RYR3: variants seen among roughly 807,000 people sequenced by gnomAD.
The protein encoded by RYR3 is brain ryanodine receptor-calcium release channel.
A neutral mutation model predicts 584.3 loss-of-function variants in RYR3; 207 were observed. The observed-to-expected ratio is 0.35, with a 90% CI of 0.32 to 0.40. RYR3 has a LOEUF of 0.40. Ranked by LOEUF, RYR3 falls within the 10% of genes least tolerant of loss-of-function variation. The pLI, the probability that RYR3 is intolerant of heterozygous loss-of-function variation, is 1.00. For missense variants in RYR3, 5,616 were observed against 6,089.2 expected (o/e 0.92, Z 2.59); for synonymous variants, 2,416 against 2,248.5 (o/e 1.07, Z -2.11).
rs569495734 is a variant in RYR3 at position 33,583,210 on chromosome 15, C to G, written c.1574-1185C>G. Among the ~76,000 whole-genome samples the G allele has an allele frequency of 3.9e-5, 6 of 152,226 alleles. No homozygotes were observed. In the South Asian group the frequency reaches 1.2e-3, roughly 32 times the overall value. ...TAACAAATTCTTAGGTGATGCTGAT[C>G]CAGGGACCATGACTCAAGAACCACT... On this transcript the variant is annotated intron_variant, in intron 14 of 103. Transcript: ENST00000634891.
At chr15:33,442,611 C>T (rs778286245) in intron 1 of RYR3, among the ~76,000 whole-genome samples, 2 of 152,162 alleles carry the variant, frequency 1.3e-5, no homozygotes, top group South Asian at 2.1e-4. Context: ...AGATTATAGC[C>T]GCCTGACCAT....
chr15:33,424,577 G>A (rs1296280832), intron 1 of RYR3, among the ~76,000 whole-genome samples: 1 of 152,140 alleles, frequency 6.6e-6, no homozygotes, highest in Non-Finnish European at 1.5e-5. Context: ...CTCAGTGCAT[G>A]CTCTCCCATC....
chr15:33,858,888 T>C (rs2080021466), intron 99 of RYR3: 1 of 152,446 alleles, frequency 6.6e-6, no homozygotes. Flanking sequence ...CGAAAAACTC[T>C]CCATGTGCTT....
In RYR3 at chr15:33,311,254, G is replaced by T. The variant is rs997912917; in HGVS notation, c.51+158G>T. ...GCAGAGGCGGACCGGCCACCTACCCGCGGGGCCGCGAGGGGCTGCGTGGGA... is the reference window on the plus strand; with the variant it reads ...GCAGAGGCGGACCGGCCACCTACCCTCGGGGCCGCGAGGGGCTGCGTGGGA... On this transcript the variant is annotated intron_variant, in intron 1 of 103. Coordinates refer to ENST00000634891, the MANE Select transcript of RYR3 (RefSeq NM_001036.6). The surrounding 1 kb of genome is among the most constrained non-coding windows in gnomAD (Gnocchi z 4.4). 2.0e-5 allele frequency among the ~76,000 whole-genome samples: 3 copies of T among 152,110 alleles called. No individual in the cohort carries two copies. The highest frequency in any genetic ancestry group is 4.4e-5 in the Non-Finnish European group (3 of 67,988).
chr15:33,837,163 A>G (rs772021860), intron 88 of RYR3, among the ~76,000 whole-genome samples, 176 bp downstream of exon 88: 2 of 152,236 alleles, frequency 1.3e-5, no homozygotes, highest in Non-Finnish European at 2.9e-5. Flanking sequence ...TGACGGACGA[A>G]GCCTGAAATC....
At chr15:33,354,623 C>G (rs984913063) in intron 1 of RYR3, among the ~76,000 whole-genome samples, 1 of 152,220 alleles carries the variant, frequency 6.6e-6, no homozygotes, top group Non-Finnish European at 1.5e-5. Flanking sequence ...TTGATTTAAT[C>G]AGCTTTCTGT....
At chr15:33,586,191 T>G in intron 16 of RYR3, 75 bp downstream of exon 16, 1 of 863,208 alleles carries the variant, frequency 1.2e-6, no homozygotes, top group Non-Finnish European at 2.0e-6. Flanking sequence ...TGTGTTTTAC[T>G]GAGAGCATGT....
chr15:33,607,455 C>G (rs546650211), intron 18 of RYR3, among the ~76,000 whole-genome samples: 1 of 152,130 alleles, frequency 6.6e-6, no homozygotes, highest in African/African-American at 2.4e-5. Flanking sequence ...CCACTGGCCT[C>G]TTGCAGTGGA....
intron 38 of RYR3, among the ~76,000 whole-genome samples, chr15:33,681,114 C>T (rs1399131840): frequency 1.3e-5 from 2 of 152,208 alleles, no homozygotes; most frequent in African/African-American, 2.4e-5. Context: ...ACTCCAGCTG[C>T]CTCAACAATA....
chr15:33,581,403 G>T, intron 13 of RYR3, 105 bp from the exon 14 acceptor site: 1 of 1,166,760 alleles, frequency 8.6e-7, no homozygotes, highest in Non-Finnish European at 1.2e-6. Context: ...TTGCATATTG[G>T]CATTTTCAGC....
At chr15:33,543,825 T>C (rs1223473677) in intron 8 of RYR3, 110 bp downstream of exon 8, 23 of 769,558 alleles carry the variant, frequency 3.0e-5, no homozygotes, top group Non-Finnish European at 5.2e-5. Context: ...TGTCAGTCCA[T>C]TGACAAACCT....
chr15:33,603,469 A>C (rs2059769769), intron 18 of RYR3, 105 bp downstream of exon 18: 43 of 1,214,260 alleles, frequency 3.5e-5, no homozygotes, highest in Non-Finnish European at 4.3e-5. Flanking sequence ...ATACAGACTC[A>C]AGAGTCTCAA....
intron 38 of RYR3, among the ~76,000 whole-genome samples, chr15:33,680,993 G>A (rs564950356): frequency 7.2e-5 from 11 of 152,330 alleles, no homozygotes; most frequent in African/African-American, 2.2e-4. Context: ...ACCTAATGGT[G>A]CACAGCAGTT....
intron 8 of RYR3, among the ~76,000 whole-genome samples, chr15:33,543,974 A>C (rs986435153): frequency 3.9e-5 from 6 of 152,130 alleles, no homozygotes; most frequent in Admixed American, 1.3e-4. Flanking sequence ...TCTGCACTTA[A>C]ACAAATTATT....
At chr15:33,735,309 G>T (rs1256563309) in intron 48 of RYR3, among the ~76,000 whole-genome samples, 1 of 152,176 alleles carries the variant, frequency 6.6e-6, no homozygotes, top group African/African-American at 2.4e-5. Context: ...TCACCCTGGG[G>T]CTTTTTATCA....
In RYR3 at chr15:33,660,461, G is replaced by A. The variant is rs1309069928; in HGVS notation, c.4622+38G>A. 3.5e-6 allele frequency: 5 copies of A among 1,436,160 alleles called. No homozygotes were observed. The East Asian group carries it at 1.2e-4, about 36-fold the overall frequency. 89.0% of individuals were successfully genotyped at this position (1,436,160 alleles called of 1,614,324 possible). A position where few individuals can be genotyped will look rare whatever the true frequency, so the allele number is the denominator to read the frequency against. On this transcript the variant is annotated intron_variant, in intron 34 of 103. Coordinates refer to ENST00000634891, the MANE Select transcript of RYR3 (RefSeq NM_001036.6). ...CCCGCGAAGGAAGGGGCAGGCCTGAGGGGCAGGTGAGGCAGAGCCAAGCCA... is the reference window on the plus strand; with the variant it reads ...CCCGCGAAGGAAGGGGCAGGCCTGAAGGGCAGGTGAGGCAGAGCCAAGCCA...
At chr15:33,643,716 C>T (rs2061953501) in intron 27 of RYR3, among the ~76,000 whole-genome samples, 1 of 152,198 alleles carries the variant, frequency 6.6e-6, no homozygotes, top group Admixed American at 6.5e-5. Flanking sequence ...AGTCGGGCAA[C>T]TTGCACCAAG....
At position 33,827,166 on chromosome 15, in the gene RYR3, G is replaced by A. The variant is rs543728428; in HGVS notation, c.11246-33G>A. 6.5e-6 allele frequency: 10 copies of A among 1,539,116 alleles called. No homozygotes were observed. The South Asian group carries it at 1.1e-4, about 17-fold the overall frequency. On this transcript the variant is annotated intron_variant, in intron 84 of 103. Transcript: ENST00000634891. ...ATGCTTGGCCCCCTCGGCATGGCAGGGACAAGCTCTGACCCAGCACTGGTG... is the reference window on the plus strand; with the variant it reads ...ATGCTTGGCCCCCTCGGCATGGCAGAGACAAGCTCTGACCCAGCACTGGTG...
At chr15:33,561,304 G>A (rs1330079673) in intron 10 of RYR3, among the ~76,000 whole-genome samples, 3 of 152,274 alleles carry the variant, frequency 2.0e-5, no homozygotes, top group African/African-American at 4.8e-5. Context: ...ACTGTGCTGG[G>A]GAAGAACAGC....
Sources: allele counts gnomAD v4.1 joint callset (sites outside exome capture counted in the v4.1 genomes callset), GRCh38; gene constraint gnomAD v4.1.1; non-coding constraint Gnocchi (gnomAD v3.1); transcripts MANE v1.5; gene names NCBI Gene and HGNC (gene_info 2026-07-23, HGNC 2026-07-21).